JAM3: variants seen among roughly 807,000 people sequenced by gnomAD.
JAM3 encodes junctional adhesion molecule 3.
In JAM3, 31 loss-of-function variants were observed where a neutral mutation model predicts 39.4. The observed-to-expected ratio is 0.79, with a 90% CI of 0.59 to 1.06. JAM3 has a LOEUF of 1.06. Ranked by LOEUF, JAM3 falls within the 50% of genes least tolerant of loss-of-function variation. JAM3 has a pLI of 0.00. For synonymous variants in JAM3, 182 were observed against 148.7 expected, an observed-to-expected ratio of 1.22 and a Z score of -1.63; for missense variants, 455 against 391.4, an observed-to-expected ratio of 1.16 and a Z score of -1.37.
chr11:134,142,899 A>G (rs1943002109), intron 3 of JAM3, among the ~76,000 whole-genome samples: 1 of 152,152 alleles, frequency 6.6e-6, no homozygotes, highest in East Asian at 1.9e-4. Context: ...CCTGTTTTCA[A>G]GGTTCATCTG....
intron 1 of JAM3, among the ~76,000 whole-genome samples, chr11:134,105,653 A>G (rs1037651189): frequency 5.9e-5 from 9 of 152,198 alleles, no homozygotes; most frequent in South Asian, 2.1e-4. Flanking sequence ...CTTCAGCAAA[A>G]TCTCAGGATA....
At chr11:134,148,954 TAACACACA>T (rs1407641871) in intron 8 of JAM3, 136 bp downstream of exon 8, 206 of 763,340 alleles carry the variant, frequency 2.7e-4, no homozygotes, top group African/African-American at 1.9e-3. Context: ...CCCTTCACAG[TAACACACA>T]CACACACACA....
intron 1 of JAM3, among the ~76,000 whole-genome samples, chr11:134,131,175 A>G (rs1942761749): frequency 7.4e-6 from 1 of 134,330 alleles, no homozygotes; most frequent in Non-Finnish European, 1.5e-5. Context: ...GAGATGAAGG[A>G]GTACCCCTGC....
At chr11:134,070,301 C>T (rs1263550954) in intron 1 of JAM3, 2 of 435,378 alleles carry the variant, frequency 4.6e-6, no homozygotes, top group Admixed American at 2.7e-5. Context: ...GGACCTTTTT[C>T]GGTTCTTAGA....
chr11:134,099,929 A>T (rs752222000), intron 1 of JAM3, among the ~76,000 whole-genome samples: 118 of 151,992 alleles, frequency 7.8e-4, no homozygotes, highest in Non-Finnish European at 1.2e-3. Flanking sequence ...TTCTAACCTC[A>T]TCATTTTCTG....
intron 1 of JAM3, among the ~76,000 whole-genome samples, chr11:134,129,510 C>T (rs2120811692): frequency 6.6e-6 from 1 of 152,116 alleles, no homozygotes; most frequent in South Asian, 2.1e-4. Context: ...AAATTTAAAG[C>T]CTTTAAATTT....
intron 1 of JAM3, among the ~76,000 whole-genome samples, chr11:134,078,715 A>G (rs1219920429): frequency 6.6e-6 from 1 of 152,170 alleles, no homozygotes; most frequent in African/African-American, 2.4e-5. Context: ...TCTTGTTATT[A>G]GGGTAATGTT....
intron 1 of JAM3, among the ~76,000 whole-genome samples, chr11:134,100,277 C>G (rs1209685322): frequency 1.3e-5 from 2 of 152,130 alleles, no homozygotes; most frequent in Admixed American, 1.3e-4. Context: ...AGCCCTGTGT[C>G]TTCTGAGGAA....
At position 134,147,459 on chromosome 11, in the gene JAM3, C is replaced by CAAAAAAAAAAAA. The variant is rs557379286; in HGVS notation, c.713-1080_713-1069dup. Reference sequence around the variant, plus strand: ...ACGGTGACGGAGCAAGACTCTGTCTCAAAAAAAAAAAAAAAAAAACGATTG... The same window carrying CAAAAAAAAAAAA: ...ACGGTGACGGAGCAAGACTCTGTCTCAAAAAAAAAAAAAAAAAAAAAAAAAAAAAAACGATTG... On this transcript the variant is annotated intron_variant, in intron 6 of 8. Transcript: ENST00000299106. Among the ~76,000 whole-genome samples the CAAAAAAAAAAAA allele has an allele frequency of 1.5e-3, 103 of 70,884 alleles. 1 individual carries two copies. Among genetic ancestry groups the CAAAAAAAAAAAA allele is most frequent in the African/African-American group, 4.8e-3 (99 of 20,544 alleles). 46.5% of individuals were successfully genotyped at this position (70,884 alleles called of 152,430 possible).
At chr11:134,129,414 C>T (rs1244555905) in intron 1 of JAM3, among the ~76,000 whole-genome samples, 3 of 152,070 alleles carry the variant, frequency 2.0e-5, no homozygotes, top group African/African-American at 7.2e-5. Context: ...CTGTGCCCAG[C>T]CTCTTTTCAA....
intron 1 of JAM3, among the ~76,000 whole-genome samples, chr11:134,109,320 GA>G (rs1942265313): frequency 1.3e-5 from 2 of 152,112 alleles, no homozygotes; most frequent in African/African-American, 4.8e-5. Flanking sequence ...AACCAGGGAT[GA>G]AAAAAAGAAC....
intron 3 of JAM3, 147 bp downstream of exon 3, chr11:134,140,917 A>C: frequency 1.8e-6 from 2 of 1,086,380 alleles, no homozygotes; most frequent in South Asian, 3.1e-5. Context: ...ATAATTATGG[A>C]AAATTTCAAA....
At chr11:134,146,139 C>G (rs1278495808) in intron 6 of JAM3, 94 bp downstream of exon 6, 3 of 886,026 alleles carry the variant, frequency 3.4e-6, no homozygotes, top group Admixed American at 2.0e-5. Flanking sequence ...GAGAACTCTT[C>G]CGCCATGGGT....
chr11:134,102,159 G>A (rs894391022), intron 1 of JAM3, among the ~76,000 whole-genome samples: 10 of 152,162 alleles, frequency 6.6e-5, no homozygotes, highest in African/African-American at 1.9e-4. Flanking sequence ...CATACCCAAC[G>A]TAGCATGGTA....
intron 1 of JAM3, among the ~76,000 whole-genome samples, chr11:134,118,013 A>T (rs1168604159): frequency 6.6e-6 from 1 of 152,234 alleles, no homozygotes; most frequent in Non-Finnish European, 1.5e-5. Flanking sequence ...TGGAATTCTG[A>T]TACCAGAATC....
intron 1 of JAM3, among the ~76,000 whole-genome samples, chr11:134,086,306 A>G (rs1161505522): frequency 6.6e-6 from 1 of 152,188 alleles, no homozygotes; most frequent in Non-Finnish European, 1.5e-5. Context: ...CTCTTAAAAA[A>G]GCTCCCTTTA....
chr11:134,141,762 G>A lies in JAM3; in HGVS notation c.256+992G>A, dbSNP rs561907673. Reference sequence around the variant, plus strand: ...TGCTGGGGCTTGGCTGTGCCAAGGGGCACAGAGGGAGGCAGGCAGGTGGCT... The same window carrying A: ...TGCTGGGGCTTGGCTGTGCCAAGGGACACAGAGGGAGGCAGGCAGGTGGCT... On this transcript the variant is annotated intron_variant, in intron 3 of 8. Coordinates refer to ENST00000299106, the MANE Select transcript of JAM3 (RefSeq NM_032801.5). 2.6e-4 allele frequency among the ~76,000 whole-genome samples: 40 copies of A among 152,230 alleles called. No homozygotes were observed. In the East Asian group the frequency reaches 7.4e-3, roughly 28 times the overall value.
At chr11:134,137,188 G>C (rs866013210) in intron 1 of JAM3, among the ~76,000 whole-genome samples, 2 of 151,884 alleles carry the variant, frequency 1.3e-5, no homozygotes, top group South Asian at 4.2e-4. Context: ...AAGAAGTGAC[G>C]ATTGCCATTA....
intron 1 of JAM3, among the ~76,000 whole-genome samples, chr11:134,070,685 A>T (rs1941471640): frequency 6.6e-6 from 1 of 152,254 alleles, no homozygotes; most frequent in Non-Finnish European, 1.5e-5. Flanking sequence ...TCTATTGTTG[A>T]AAAGATCTGT....
Sources: gnomAD v4.1 joint callset for allele counts (sites outside exome capture counted in the v4.1 genomes callset) on GRCh38, gnomAD v4.1.1 for gene constraint, MANE v1.5 for transcripts, NCBI Gene and HGNC (gene_info 2026-07-23, HGNC 2026-07-21) for gene names.